TSPAN1: variants seen among roughly 807,000 people sequenced by gnomAD.
The protein encoded by TSPAN1 is tetraspanin 1.
In TSPAN1, 23 loss-of-function variants were observed where a neutral mutation model predicts 26.9. The ratio of observed to expected loss-of-function variants is 0.85; its 90% CI spans 0.62 to 1.21. TSPAN1 has a LOEUF of 1.21. Among genes scored for constraint, TSPAN1 ranks in the 50% most tolerant of loss-of-function variants. The pLI, the probability that TSPAN1 is intolerant of heterozygous loss-of-function variation, is 0.00. For missense variants in TSPAN1, 283 were observed against 298.4 expected (o/e 0.95, Z 0.38); for synonymous variants, 115 against 114.8 (o/e 1.00, Z -0.01).
At chr1:46,195,768 G>C in the TSPAN1 span, 3 of 1,523,830 alleles carry the variant, frequency 2.0e-6, no homozygotes, top group Non-Finnish European at 2.7e-6. Flanking sequence ...AAGCAGGGTT[G>C]GAGCTAGGGA....
chr1:46,188,431 C>T (rs921486298), downstream of TSPAN1, among the ~76,000 whole-genome samples: 5 of 152,240 alleles, frequency 3.3e-5, no homozygotes, highest in South Asian at 2.1e-4. Context: ...GGTGGTTAAA[C>T]GGTGGGGAAG....
the TSPAN1 span, chr1:46,194,512 C>A: frequency 1.2e-6 from 2 of 1,614,074 alleles, no homozygotes; most frequent in Non-Finnish European, 1.7e-6. Context: ...ATGCCCACCC[C>A]CAGCCCAGGC....
chr1:46,179,287 T>G (rs540674159), intron 1 of TSPAN1, among the ~76,000 whole-genome samples: 3 of 148,756 alleles, frequency 2.0e-5, no homozygotes, highest in Non-Finnish European at 4.4e-5. Flanking sequence ...CACTCCAACC[T>G]GGGCAACAGA....
the TSPAN1 span, chr1:46,193,420 G>A: frequency 7.5e-6 from 12 of 1,607,326 alleles, no homozygotes; most frequent in South Asian, 1.1e-5. Flanking sequence ...CACCATGTGA[G>A]GTCACTTTCC....
downstream of TSPAN1, chr1:46,190,360 T>G: frequency 1.5e-5 from 21 of 1,382,420 alleles, no homozygotes; most frequent in Non-Finnish European, 2.0e-5. Context: ...TCCTAATGTT[T>G]GAGATGAGGG....
At chr1:46,193,392 G>A in the TSPAN1 span, 1 of 1,611,332 alleles carries the variant, frequency 6.2e-7, no homozygotes, top group Non-Finnish European at 8.5e-7. Flanking sequence ...TGGGTTCCTG[G>A]GGGACATGGC....
downstream of TSPAN1, among the ~76,000 whole-genome samples, chr1:46,187,416 GT>G (rs887386392): frequency 3.3e-4 from 51 of 152,268 alleles, no homozygotes; most frequent in African/African-American, 1.2e-3. Context: ...TAACAAACCA[GT>G]CCCCCTCCTT....
At chr1:46,183,831 C>T (rs1571638689) in intron 3 of TSPAN1, 6 of 365,620 alleles carry the variant, frequency 1.6e-5, no homozygotes, top group South Asian at 1.5e-4. Flanking sequence ...TCTAGGCACC[C>T]ATAGCCCAGA....
chr1:46,192,449 T>A, the TSPAN1 span: 1 of 1,614,086 alleles, frequency 6.2e-7, no homozygotes, highest in South Asian at 1.1e-5. Context: ...GGGGACAGGG[T>A]GCCATAGTGG....
At chr1:46,193,513 C>G in the TSPAN1 span, 2 of 1,614,048 alleles carry the variant, frequency 1.2e-6, no homozygotes, top group Non-Finnish European at 1.7e-6. Context: ...CTGGCAATCA[C>G]TGCTGCTCCA....
At position 46,184,174 on chromosome 1, in the gene TSPAN1, G is replaced by A; in HGVS notation, c.58-17G>A. On this transcript the variant is annotated splice_polypyrimidine_tract_variant and intron_variant, in intron 3 of 8. Coordinates refer to ENST00000372003, the MANE Select transcript of TSPAN1 (RefSeq NM_005727.4). ...TGCCAGCACTGTTTAAGGCCTGCCT[G>A]ACCTCTCTCTCCCCAGCTGTGTGGT... 2 of 1,613,900 alleles carry A rather than the reference G, an allele frequency of 1.2e-6. No individual in the cohort carries two copies. Among genetic ancestry groups the A allele is most frequent in the Non-Finnish European group, 8.5e-7 (1 of 1,179,862 alleles).
chr1:46,176,128 G>T, intron 1 of TSPAN1: 1 of 1,347,752 alleles, frequency 7.4e-7, no homozygotes, highest in Non-Finnish European at 1.0e-6. Context: ...GCCCGCCTTG[G>T]CCTCCCAAAG....
chr1:46,176,393 G>T (rs1488831953), intron 1 of TSPAN1: 12 of 1,535,642 alleles, frequency 7.8e-6, no homozygotes, highest in Non-Finnish European at 1.0e-5. Flanking sequence ...CGGGGCCTGG[G>T]CCAGCCCATA....
At chr1:46,178,196 A>C (rs1219520787) in intron 1 of TSPAN1, among the ~76,000 whole-genome samples, 1 of 152,126 alleles carries the variant, frequency 6.6e-6, no homozygotes, top group Admixed American at 6.5e-5. Context: ...GTCTCTACTA[A>C]AAATACAAAA....
At chr1:46,182,315 A>AAAAAAAAAAAAAAAAAAAAAAAAAAAC (rs1426126278) in intron 3 of TSPAN1, among the ~76,000 whole-genome samples, 2 of 147,064 alleles carry the variant, frequency 1.4e-5, no homozygotes, top group African/African-American at 2.5e-5. Context: ...AAAAAAAAAA[A>AAAAAAAAAAAAAAAAAAAAAAAAAAAC]AAGCCACTGT....
chr1:46,196,212 A>G, the TSPAN1 span: 3 of 1,532,586 alleles, frequency 2.0e-6, no homozygotes, highest in South Asian at 3.6e-5. This position sits in a 1 kb window ranked among gnomAD's most constrained non-coding sequence, Gnocchi z 4.4. Flanking sequence ...TTCTTTTCCA[A>G]CTCAGCTCGA....
chr1:46,187,290 G>T (rs1657455174), downstream of TSPAN1, among the ~76,000 whole-genome samples: 1 of 152,194 alleles, frequency 6.6e-6, no homozygotes, highest in African/African-American at 2.4e-5. Flanking sequence ...TCCACTTGAA[G>T]GGGCAGCTGG....
At chr1:46,190,699 T>G, downstream of TSPAN1, 1 of 1,604,214 alleles carries the variant, frequency 6.2e-7, no homozygotes, top group South Asian at 1.1e-5. Flanking sequence ...ATCCACCCCT[T>G]GCCCTGCTGC....
intron 1 of TSPAN1, chr1:46,175,646 G>A (rs1256660124): frequency 2.5e-6 from 1 of 399,516 alleles, no homozygotes; most frequent in East Asian, 3.6e-5. Context: ...AGAGGAAGGA[G>A]AGGGAAGAGT....
Sources: allele counts gnomAD v4.1 joint callset (sites outside exome capture counted in the v4.1 genomes callset), GRCh38; gene constraint gnomAD v4.1.1; non-coding constraint Gnocchi (gnomAD v3.1); transcripts MANE v1.5; gene names NCBI Gene and HGNC (gene_info 2026-07-23, HGNC 2026-07-21).